ARHGAP35: variants seen among roughly 807,000 people sequenced by gnomAD.
The protein encoded by ARHGAP35 is rho GTPase-activating protein 35.
Under a neutral mutation model 111.1 loss-of-function variants are expected in ARHGAP35, and 15 were observed. That is an observed-to-expected ratio of 0.13 (90% confidence interval 0.09 to 0.21). The LOEUF (loss-of-function observed/expected upper bound fraction) is 0.21, where lower values mean the gene tolerates loss of function less well. Ranked by LOEUF, ARHGAP35 falls within the 10% of genes least tolerant of loss-of-function variation. The pLI is 1.00. For missense variants in ARHGAP35, 1,262 were observed against 1,873.0 expected (o/e 0.67, Z 6.02); for synonymous variants, 643 against 710.3 (o/e 0.91, Z 1.51).
chr19:46,944,806 G>T (rs2056369025), intron 3 of ARHGAP35, among the ~76,000 whole-genome samples: 1 of 152,152 alleles, frequency 6.6e-6, no homozygotes, highest in Admixed American at 6.5e-5. Flanking sequence ...TTACAAGCAG[G>T]GCGCTGTGTT....
chr19:46,981,285 C>T (rs907161718), intron 3 of ARHGAP35, among the ~76,000 whole-genome samples: 2 of 152,160 alleles, frequency 1.3e-5, no homozygotes, highest in East Asian at 1.9e-4. Context: ...CCAGAAAAGT[C>T]GACAAAAGTT....
chr19:46,974,478 T>A (rs1599858408), intron 3 of ARHGAP35, among the ~76,000 whole-genome samples: 4 of 152,272 alleles, frequency 2.6e-5, no homozygotes, highest in Admixed American at 2.6e-4. Context: ...TGATTTATTA[T>A]AAAGGATATA....
chr19:46,941,790 C>A (rs1302604439), intron 3 of ARHGAP35, among the ~76,000 whole-genome samples: 2 of 121,634 alleles, frequency 1.6e-5, no homozygotes, highest in Non-Finnish European at 3.6e-5. Context: ...AAACACCTGG[C>A]CTTAAGCCAT....
chr19:46,923,143 C>A (rs2056214120), intron 2 of ARHGAP35, among the ~76,000 whole-genome samples: 1 of 140,550 alleles, frequency 7.1e-6, no homozygotes, highest in Non-Finnish European at 1.5e-5. Flanking sequence ...CTCGCTCAGT[C>A]ACCCACGCTA....
At chr19:46,904,659 A>G (rs911552432) in intron 1 of ARHGAP35, among the ~76,000 whole-genome samples, 1 of 152,114 alleles carries the variant, frequency 6.6e-6, no homozygotes, top group Non-Finnish European at 1.5e-5. Flanking sequence ...GCTTATTATG[A>G]CCAGGTTGGA....
At chr19:46,943,954 A>T (rs2056363971) in intron 3 of ARHGAP35, among the ~76,000 whole-genome samples, 1 of 152,296 alleles carries the variant, frequency 6.6e-6, no homozygotes, top group South Asian at 2.1e-4. Flanking sequence ...CCATTGATAA[A>T]TCGGGACTTG....
chr19:46,989,710 G>A lies in ARHGAP35; in HGVS notation c.4036+35G>A, dbSNP rs769738544. ...GGCAGCCCAGTGTTGGGCGGATTGA[G>A]GGAGAAAGGGCTTGGCACTGGAAGA... On this transcript the variant is annotated intron_variant, in intron 5 of 6. Coordinates refer to ENST00000672722, the MANE Select transcript of ARHGAP35 (RefSeq NM_004491.5). The surrounding 1 kb of genome is among the most constrained non-coding windows in gnomAD (Gnocchi z 5.3). 12 of 1,612,272 alleles carry A rather than the reference G, an allele frequency of 7.4e-6. No homozygotes were observed. In the African/African-American group the frequency reaches 1.5e-4, roughly 20 times the overall value.
chr19:46,873,448 A>G (rs938550920), intron 1 of ARHGAP35, among the ~76,000 whole-genome samples: 1 of 151,808 alleles, frequency 6.6e-6, no homozygotes, highest in African/African-American at 2.4e-5. Flanking sequence ...CCTAGCCAAC[A>G]TTGGTGAAAC....
At chr19:46,996,696 C>G (rs1369173889) in intron 5 of ARHGAP35, among the ~76,000 whole-genome samples, 5 of 152,216 alleles carry the variant, frequency 3.3e-5, no homozygotes, top group Admixed American at 2.0e-4. Context: ...AAGCTAGCAG[C>G]TGGAAGGGGG....
intron 3 of ARHGAP35, among the ~76,000 whole-genome samples, chr19:46,942,837 A>AT (rs57955072): frequency 2.0e-5 from 3 of 150,874 alleles, no homozygotes. Context: ...AAAAAAAAAA[A>AT]GGAAAAGAAA....
chr19:46,991,280 C>A (rs555615681), intron 5 of ARHGAP35, among the ~76,000 whole-genome samples: 1 of 152,336 alleles, frequency 6.6e-6, no homozygotes, highest in Admixed American at 6.5e-5. Context: ...TAGACTGATA[C>A]CCAGTTTGCT....
In ARHGAP35 at chr19:46,921,010, G is replaced by T. The variant is rs769727967; in HGVS notation, c.2335G>T (p.Asp779Tyr). The change falls in exon 2 of 7, where the codon GAT (aspartate) becomes TAT (tyrosine). Residue 779 changes from aspartate to tyrosine, a missense_variant. Asp to Tyr is a radical substitution (Grantham distance 160). This residue lies in a region of ARHGAP35 where 579 missense variants were observed against 716.9 expected (regional missense o/e 0.81). Transcript: ENST00000672722. The surrounding 1 kb of genome is among the most constrained non-coding windows in gnomAD (Gnocchi z 4.3). The part of the protein sequence containing the change: ...SSTASIKDLA[D>Y]VDLRIVMCLM... ...TACTGCTAGCATCAAAGATTTGGCT[G>T]ATGTTGATCTGCGAATTGTTATGTG... The T allele has an allele frequency of 6.2e-7, 1 of 1,614,030 alleles. No individual in the cohort carries two copies. The highest frequency in any genetic ancestry group is 1.1e-5 in the South Asian group (1 of 91,082).
At chr19:46,932,613 G>C (rs949217402) in intron 2 of ARHGAP35, among the ~76,000 whole-genome samples, 4 of 152,104 alleles carry the variant, frequency 2.6e-5, no homozygotes, top group African/African-American at 9.7e-5. Context: ...CCCAGCTCTT[G>C]GCATGCACCC....
rs11449203 is a variant in ARHGAP35, at chr19:46,956,956, CT to C, written c.3826+19569del. Among the ~76,000 whole-genome samples the C allele has an allele frequency of 1.6e-3, 171 of 107,582 alleles. 2 individuals carry two copies. The highest frequency in any genetic ancestry group is 6.5e-3 in the South Asian group (22 of 3,410). 70.6% of individuals were successfully genotyped at this position (107,582 alleles called of 152,430 possible). ...TATCATTAGCTGTTCTTAAAGCAGA[CT>C]TTTTTTTTTTTTTTTTTTTTGAGAC... is the stretch of plus-strand genomic sequence containing the variant. On this transcript the variant is annotated intron_variant, in intron 3 of 6. Coordinates refer to ENST00000672722, the MANE Select transcript of ARHGAP35 (RefSeq NM_004491.5).
Position 46,919,220 on chromosome 19 carries a change from C to T in ARHGAP35, c.545C>T (p.Ser182Phe), listed in dbSNP as rs200079500. Residue 182 changes from serine to phenylalanine, a missense_variant, in exon 2 of 7, where the codon TCC becomes TTC. Ser to Phe is a radical substitution (Grantham distance 155). Coordinates refer to ENST00000672722, the MANE Select transcript of ARHGAP35 (RefSeq NM_004491.5). The surrounding 1 kb of genome is among the most constrained non-coding windows in gnomAD (Gnocchi z 6.2). The stretch of plus-strand genomic sequence containing the variant: ...TTTGATGACCAGCTCAAGTTTGTCT[C>T]CAATCTCTACAATCAGCTTGCAAAA... ...RNFDDQLKFV[S>F]NLYNQLAKTK... 6.2e-6 allele frequency: 10 copies of T among 1,613,742 alleles called. No individual in the cohort carries two copies. In the African/African-American group the frequency reaches 1.3e-4, roughly 22 times the overall value.
chr19:46,953,633 G>A (rs914538052), intron 3 of ARHGAP35, among the ~76,000 whole-genome samples: 1 of 152,134 alleles, frequency 6.6e-6, no homozygotes, highest in South Asian at 2.1e-4. Context: ...TCTCCATTCT[G>A]CTATTCCTTT....
intron 3 of ARHGAP35, among the ~76,000 whole-genome samples, chr19:46,982,283 T>C (rs976936489): frequency 1.3e-5 from 2 of 152,002 alleles, no homozygotes; most frequent in African/African-American, 4.8e-5. Flanking sequence ...TTGAGACCAG[T>C]CTAGCCAACA....
At chr19:46,929,589 C>CTCTTTTTTTTT in intron 2 of ARHGAP35, among the ~76,000 whole-genome samples, 1 of 130,658 alleles carries the variant, frequency 7.7e-6, no homozygotes, top group Non-Finnish European at 1.6e-5. Flanking sequence ...TTACCTGTTA[C>CTCTTTTTTTTT]TCTTTTTTTT....
intron 1 of ARHGAP35, among the ~76,000 whole-genome samples, chr19:46,867,519 G>T (rs1380588367): frequency 6.6e-6 from 1 of 152,052 alleles, no homozygotes; most frequent in Admixed American, 6.6e-5. Flanking sequence ...CATTTCTCTG[G>T]ACTACAGTTC....
Sources: gnomAD v4.1 joint callset for allele counts (sites outside exome capture counted in the v4.1 genomes callset) on GRCh38, gnomAD v4.1.1 for gene constraint, gnomAD v4.1.1 regional missense constraint, Gnocchi (gnomAD v3.1) non-coding constraint, MANE v1.5 for transcripts, NCBI Gene and HGNC (gene_info 2026-07-23, HGNC 2026-07-21) for gene names.